Variants in PPFIBP2 observed in about 807,000 individuals in gnomAD.
PPFIBP2 encodes liprin-beta-2.
A neutral mutation model predicts 118.3 loss-of-function variants in PPFIBP2; 118 were observed. That is an observed-to-expected ratio of 1.00 (90% CI 0.86 to 1.16). The LOEUF (loss-of-function observed/expected upper bound fraction) is 1.16, where lower values mean the gene tolerates loss of function less well. Among genes scored for constraint, PPFIBP2 ranks in the 50% most tolerant of loss-of-function variants. PPFIBP2 has a pLI of 0.00. For missense variants in PPFIBP2, 1,195 were observed against 1,073.1 expected, an observed-to-expected ratio of 1.11 and a Z score of -1.59; for synonymous variants, 414 against 397.4, an observed-to-expected ratio of 1.04 and a Z score of -0.50.
downstream of PPFIBP2, chr11:7,653,860 GC>G: frequency 1.8e-6 from 2 of 1,100,498 alleles, no homozygotes; most frequent in Non-Finnish European, 1.2e-6. Context: ...GTGGCACTGA[GC>G]CTAGTCCTCA....
At chr11:7,525,152 G>A (rs1850112129) in intron 1 of PPFIBP2, among the ~76,000 whole-genome samples, 3 of 152,160 alleles carry the variant, frequency 2.0e-5, no homozygotes, top group Non-Finnish European at 4.4e-5. Flanking sequence ...TGAGGACTTG[G>A]CCTCCCTAAC....
At chr11:7,516,598 G>C (rs1188052963) in intron 1 of PPFIBP2, among the ~76,000 whole-genome samples, 1 of 152,176 alleles carries the variant, frequency 6.6e-6, no homozygotes, top group Non-Finnish European at 1.5e-5. Flanking sequence ...CTGGGTGCAG[G>C]TGGGCTGAGG....
At chr11:7,586,055 T>G (rs1227772043) in intron 3 of PPFIBP2, among the ~76,000 whole-genome samples, 1 of 152,228 alleles carries the variant, frequency 6.6e-6, no homozygotes, top group Non-Finnish European at 1.5e-5. Context: ...AGTGGAGAAG[T>G]GAACTCATCT....
At chr11:7,635,801 G>T (rs1851373049) in intron 14 of PPFIBP2, among the ~76,000 whole-genome samples, 1 of 152,106 alleles carries the variant, frequency 6.6e-6, no homozygotes, top group South Asian at 2.1e-4. Context: ...CTGTGGGACA[G>T]GATTTATTAT....
chr11:7,593,168 A>G lies in PPFIBP2; in HGVS notation c.316A>G (p.Thr106Ala). 1 of 1,613,948 alleles carries G rather than the reference A, an allele frequency of 6.2e-7. No homozygotes were observed. Among genetic ancestry groups the G allele is most frequent in the Non-Finnish European group, 8.5e-7 (1 of 1,179,968 alleles). Reference protein sequence around the residue: ...VNHHSAASNETYQERLARLEG... With the variant: ...VNHHSAASNEAYQERLARLEG... The stretch of plus-strand genomic sequence containing the variant: ...CCACCACAGTGCTGCTAGTAATGAA[A>G]CCTACCAGGAACGCTTGGCACGTCT... Residue 106 changes from threonine (T) to alanine (A), a missense_variant, in exon 4 of 24, where the codon ACC becomes GCC. Coordinates refer to ENST00000299492, the MANE Select transcript of PPFIBP2 (RefSeq NM_003621.5).
intron 17 of PPFIBP2, among the ~76,000 whole-genome samples, chr11:7,646,484 C>T (rs1228609681): frequency 1.3e-5 from 2 of 152,102 alleles, no homozygotes; most frequent in Non-Finnish European, 2.9e-5. Context: ...CTAAATCAAC[C>T]GTCTGTTGTC....
At chr11:7,664,691 G>A in the PPFIBP2 span, among the ~76,000 whole-genome samples, 1 of 152,220 alleles carries the variant, frequency 6.6e-6, no homozygotes, top group Non-Finnish European at 1.5e-5. Context: ...TTGGGAGCCA[G>A]GCCCTGGAGT....
At chr11:7,628,191 C>A (rs2135720685) in intron 8 of PPFIBP2, 94 bp from the exon 9 acceptor site, 1 of 1,035,942 alleles carries the variant, frequency 9.7e-7, no homozygotes, top group Non-Finnish European at 1.4e-6. Context: ...GTTCACATGG[C>A]AAGTCTTCAT....
intron 1 of PPFIBP2, among the ~76,000 whole-genome samples, chr11:7,529,053 G>A (rs993128544): frequency 1.3e-5 from 2 of 152,118 alleles, no homozygotes; most frequent in African/African-American, 2.4e-5. Flanking sequence ...GACCACCTGC[G>A]AGGCAATAGT....
chr11:7,637,456 C>A (rs954808758), intron 14 of PPFIBP2, among the ~76,000 whole-genome samples: 6 of 152,186 alleles, frequency 3.9e-5, no homozygotes, highest in African/African-American at 1.4e-4. Flanking sequence ...AATTGTTATT[C>A]TCCATTTAGA....
chr11:7,625,720 T>G (rs1849908247), intron 7 of PPFIBP2, 57 bp from the exon 8 acceptor site: 1 of 1,434,916 alleles, frequency 7.0e-7, no homozygotes, highest in African/African-American at 1.4e-5. Flanking sequence ...CGGGAGGCAC[T>G]TCATCATGAT....
intron 5 of PPFIBP2, among the ~76,000 whole-genome samples, chr11:7,606,737 C>T (rs931533876): frequency 3.3e-5 from 5 of 151,960 alleles, no homozygotes; most frequent in Non-Finnish European, 7.4e-5. Flanking sequence ...ATTGGTATGA[C>T]TAATCACAAC....
chr11:7,579,253 G>A (rs1856903878), intron 3 of PPFIBP2, among the ~76,000 whole-genome samples: 1 of 152,142 alleles, frequency 6.6e-6, no homozygotes, highest in South Asian at 2.1e-4. Context: ...GGTGCAGCCT[G>A]GTCTTGAACC....
chr11:7,566,248 T>A (rs1292760348), intron 3 of PPFIBP2, among the ~76,000 whole-genome samples: 1 of 152,248 alleles, frequency 6.6e-6, no homozygotes, highest in Non-Finnish European at 1.5e-5. Flanking sequence ...GTAAAAAGGC[T>A]AAACTTTTGA....
Position 7,593,226 on chromosome 11 carries a change from T to C in PPFIBP2, c.372+2T>C. The C allele has an allele frequency of 6.2e-7, 1 of 1,613,504 alleles. No homozygotes were observed. The highest frequency in any genetic ancestry group is 8.5e-7 in the Non-Finnish European group (1 of 1,179,740). The stretch of plus-strand genomic sequence containing the variant: ...GATAAGGAGTCCCTCATATTGCAGG[T>C]GGGTACTTTTTGGTGAGAATCGGCT... On this transcript the variant is annotated splice_donor_variant, in intron 4 of 23. Coordinates refer to ENST00000299492, the MANE Select transcript of PPFIBP2 (RefSeq NM_003621.5). LOFTEE classifies it high-confidence loss of function.
chr11:7,515,082 G>T (rs1212456347), intron 1 of PPFIBP2, among the ~76,000 whole-genome samples: 4 of 152,162 alleles, frequency 2.6e-5, no homozygotes, highest in Non-Finnish European at 5.9e-5. Context: ...TTCATCTTCA[G>T]CATATTCAGT....
chr11:7,529,746 C>T (rs955384676), intron 1 of PPFIBP2, among the ~76,000 whole-genome samples: 1 of 152,224 alleles, frequency 6.6e-6, no homozygotes, highest in Non-Finnish European at 1.5e-5. Context: ...CTGGGATGGC[C>T]CCTGAGCCTC....
At chr11:7,614,311 A>G (rs1848391872) in intron 6 of PPFIBP2, among the ~76,000 whole-genome samples, 1 of 152,218 alleles carries the variant, frequency 6.6e-6, no homozygotes, top group African/African-American at 2.4e-5. Flanking sequence ...TTATGTGTGG[A>G]CAAGTACATT....
intron 2 of PPFIBP2, among the ~76,000 whole-genome samples, chr11:7,556,629 A>C (rs1270285524): frequency 6.6e-6 from 1 of 152,158 alleles, no homozygotes; most frequent in East Asian, 1.9e-4. Flanking sequence ...TGATTCTTTC[A>C]TCCTGCTTTT....
Sources: allele counts gnomAD v4.1 joint callset (sites outside exome capture counted in the v4.1 genomes callset), GRCh38; gene constraint gnomAD v4.1.1; transcripts MANE v1.5; gene names NCBI Gene and HGNC (gene_info 2026-07-23, HGNC 2026-07-21).